NUP205: variants seen among roughly 807,000 people sequenced by gnomAD.
NUP205 encodes nuclear pore complex protein Nup205.
NUP205 carries 76 observed loss-of-function variants against 253.8 expected under a neutral mutation model. The ratio of observed to expected loss-of-function variants is 0.30; its 90% CI spans 0.25 to 0.36. The LOEUF (loss-of-function observed/expected upper bound fraction) is 0.36, where lower values mean the gene tolerates loss of function less well. NUP205 is among the 10% of genes least tolerant of loss of function. The pLI, the probability that NUP205 is intolerant of heterozygous loss-of-function variation, is 1.00. For synonymous variants in NUP205, 832 were observed against 850.1 expected, an observed-to-expected ratio of 0.98 and a Z score of 0.37; for missense variants, 2,162 against 2,425.5, an observed-to-expected ratio of 0.89 and a Z score of 2.28.
At chr7:135,616,812 C>A in intron 25 of NUP205, 86 bp downstream of exon 25, 1 of 783,596 alleles carries the variant, frequency 1.3e-6, no homozygotes, top group Non-Finnish European at 1.9e-6. Flanking sequence ...ATGCCTGTGC[C>A]TCCAAACTCT....
chr7:135,600,226 T>G (rs1563122836), intron 15 of NUP205, among the ~76,000 whole-genome samples: 1 of 152,232 alleles, frequency 6.6e-6, no homozygotes, highest in Non-Finnish European at 1.5e-5. Context: ...ATAAGTATTT[T>G]TCTTTACTGG....
chr7:135,582,078 G>T (rs893453702), intron 7 of NUP205, among the ~76,000 whole-genome samples: 5 of 152,122 alleles, frequency 3.3e-5, no homozygotes, highest in Non-Finnish European at 5.9e-5. Context: ...TTGATGTCAG[G>T]AGTTCAAGAC....
intron 38 of NUP205, among the ~76,000 whole-genome samples, chr7:135,641,670 G>C (rs1794917119): frequency 6.6e-6 from 1 of 152,008 alleles, no homozygotes; most frequent in Non-Finnish European, 1.5e-5. Flanking sequence ...TACTTGGGAG[G>C]CTGAGGTGGG....
Position 135,626,346 on chromosome 7 carries a change from A to C in NUP205, c.4778A>C (p.Glu1593Ala), listed in dbSNP as rs1291245997. The C allele has an allele frequency of 1.2e-6, 2 of 1,614,154 alleles. No individual in the cohort carries two copies. The highest frequency in any genetic ancestry group is 1.7e-6 in the Non-Finnish European group (2 of 1,179,998). ...AQCQVYDMRP[E>A]TDPQSMFGMR... The stretch of plus-strand genomic sequence containing the variant: ...TGCCAAGTCTATGACATGCGCCCAG[A>C]AACGGACCCGCAGAGGTAAGTGTCT... The change falls in exon 33 of 43, where the codon GAA becomes GCA. Residue 1593 changes from glutamate (E) to alanine (A), a missense_variant. Physicochemically the swap from Glu to Ala is moderately radical, Grantham distance 107. Around this residue, in one of 5 missense-constraint regions of NUP205, gnomAD observed 1,144 missense variants for 1,280.9 expected, o/e 0.89. Transcript: ENST00000285968.
At position 135,630,786 on chromosome 7, in the gene NUP205, T is replaced by G. The variant is rs188212154; in HGVS notation, c.5059+316T>G. Among the ~76,000 whole-genome samples the G allele has an allele frequency of 8.6e-5, 13 of 151,964 alleles. No homozygotes were observed. In the East Asian group the frequency reaches 2.5e-3, roughly 29 times the overall value. On this transcript the variant is annotated intron_variant, in intron 35 of 42. Transcript: ENST00000285968. ...CAAAAAATTTTAAAAATTAGCTGGGTGTTGGGGCATTCACCTGTGGTCCTG... is the reference window on the plus strand; with the variant it reads ...CAAAAAATTTTAAAAATTAGCTGGGGGTTGGGGCATTCACCTGTGGTCCTG...
chr7:135,632,822 A>C (rs1794739738), intron 35 of NUP205, among the ~76,000 whole-genome samples: 1 of 151,990 alleles, frequency 6.6e-6, no homozygotes, highest in African/African-American at 2.4e-5. Flanking sequence ...AATTACTCTC[A>C]ATGTACTTCT....
Position 135,591,484 on chromosome 7 carries a change from A to C in NUP205, c.1508A>C (p.Asp503Ala). The C allele has an allele frequency of 6.2e-7, 1 of 1,613,820 alleles. No individual in the cohort carries two copies. Among genetic ancestry groups the C allele is most frequent in the Non-Finnish European group, 8.5e-7 (1 of 1,179,758 alleles). Reference sequence around the variant, plus strand: ...TCAAAGTTTGTTAGGCAAATGGGTGACCTGTTGCCTCCAACTATTTATATT... The same window carrying C: ...TCAAAGTTTGTTAGGCAAATGGGTGCCCTGTTGCCTCCAACTATTTATATT... ...VLSKFVRQMG[D>A]LLPPTIYIPY... The change falls in exon 11 of 43, where the codon GAC (aspartate) becomes GCC (alanine). Residue 503 changes from aspartate to alanine, a missense_variant. Around this residue, in one of 5 missense-constraint regions of NUP205, gnomAD observed 892 missense variants for 957.1 expected, o/e 0.93. Coordinates refer to ENST00000285968, the MANE Select transcript of NUP205 (RefSeq NM_015135.3).
intron 8 of NUP205, among the ~76,000 whole-genome samples, chr7:135,587,326 A>G (rs1406151278): frequency 6.6e-6 from 1 of 152,196 alleles, no homozygotes; most frequent in East Asian, 1.9e-4. Flanking sequence ...GTCCCCACTG[A>G]GAAATACTAC....
Position 135,602,943 on chromosome 7 carries a change from A to T in NUP205, c.2651A>T (p.Gln884Leu). ...GTCTGTCCTTTAGAACAGCTTTTGC[A>T]GGGAATTAATCCCAGAACTAAGAAG... ...LIVCPLEQLL[Q>L]GINPRTKKAD... The change falls in exon 18 of 43, where the codon CAG (glutamine) becomes CTG (leucine). Residue 884 changes from glutamine (Q) to leucine (L), a missense_variant. Physicochemically the swap from Gln to Leu is moderately radical, Grantham distance 113. Around this residue, in one of 5 missense-constraint regions of NUP205, gnomAD observed 892 missense variants for 957.1 expected, o/e 0.93. Coordinates refer to ENST00000285968, the MANE Select transcript of NUP205 (RefSeq NM_015135.3). 1 of 1,613,944 alleles carries T rather than the reference A, an allele frequency of 6.2e-7. No individual in the cohort carries two copies. The highest frequency in any genetic ancestry group is 8.5e-7 in the Non-Finnish European group (1 of 1,179,906).
At chr7:135,586,255 T>C (rs968447341) in intron 8 of NUP205, among the ~76,000 whole-genome samples, 13 of 152,158 alleles carry the variant, frequency 8.5e-5, no homozygotes, top group Admixed American at 7.9e-4. Flanking sequence ...ATTATTTTTA[T>C]TTTTATAGGA....
At chr7:135,558,472 C>CG (rs1391026792) in intron 1 of NUP205, among the ~76,000 whole-genome samples, 1 of 152,122 alleles carries the variant, frequency 6.6e-6, no homozygotes, top group African/African-American at 2.4e-5. Flanking sequence ...AAGAGGGTGG[C>CG]GGGGCTTCAG....
chr7:135,570,768 TTAA>T (rs1480184578), intron 1 of NUP205, among the ~76,000 whole-genome samples: 2 of 87,382 alleles, frequency 2.3e-5, no homozygotes, highest in Non-Finnish European at 4.3e-5. Flanking sequence ...ATATATTATA[TTAA>T]TATATATTAA....
intron 7 of NUP205, among the ~76,000 whole-genome samples, chr7:135,584,610 T>C (rs944155038): frequency 1.3e-5 from 2 of 152,256 alleles, no homozygotes; most frequent in African/African-American, 4.8e-5. Flanking sequence ...TCAAAGAGTA[T>C]GTATTTTTCT....
At chr7:135,584,573 A>C (rs1167821527) in intron 7 of NUP205, among the ~76,000 whole-genome samples, 1 of 152,236 alleles carries the variant, frequency 6.6e-6, no homozygotes, top group East Asian at 1.9e-4. Flanking sequence ...CATCTCTAAA[A>C]TAATTTTCAT....
At chr7:135,565,768 A>G (rs1805740073) in intron 1 of NUP205, among the ~76,000 whole-genome samples, 1 of 152,160 alleles carries the variant, frequency 6.6e-6, no homozygotes, top group Non-Finnish European at 1.5e-5. Flanking sequence ...TCCATCAACC[A>G]CACTAGAACA....
intron 18 of NUP205, 99 bp downstream of exon 18, chr7:135,603,093 T>C: frequency 2.4e-6 from 2 of 841,582 alleles, no homozygotes. Context: ...ACCTTTTTTT[T>C]TATTTTTGCC....
Position 135,648,602 on chromosome 7 carries a change from A to G in NUP205, c.*46A>G, listed in dbSNP as rs1795061112. On this transcript the variant is annotated 3_prime_UTR_variant, in exon 43 of 43. Coordinates refer to ENST00000285968, the MANE Select transcript of NUP205 (RefSeq NM_015135.3). ...CTATGAGAGAGATGAATTGGGGAGAATTGTCTCCATTTTATAGATTAGTTT... is the reference window on the plus strand; with the variant it reads ...CTATGAGAGAGATGAATTGGGGAGAGTTGTCTCCATTTTATAGATTAGTTT... The G allele has an allele frequency of 7.3e-7, 1 of 1,365,130 alleles. No individual in the cohort carries two copies. The highest frequency in any genetic ancestry group is 2.9e-5 in the Admixed American group (1 of 34,972). 84.6% of individuals were successfully genotyped at this position (1,365,130 alleles called of 1,614,324 possible). A position where few individuals can be genotyped will look rare whatever the true frequency, so the allele number is the denominator to read the frequency against.
rs546342947 is a variant in NUP205 at position 135,608,065 on chromosome 7, T to G, written c.3195+694T>G. ...TTTTTAATATGGAGTCTCGCTCTGT[T>G]GCCCAGGCTGGAGTGCAGTGGCGTG... On this transcript the variant is annotated intron_variant, in intron 22 of 42. Coordinates refer to ENST00000285968, the MANE Select transcript of NUP205 (RefSeq NM_015135.3). Among the ~76,000 whole-genome samples, 7 of 142,650 alleles carry G rather than the reference T, an allele frequency of 4.9e-5. No homozygotes were observed. In the East Asian group the frequency reaches 1.5e-3, roughly 30 times the overall value. 93.6% of individuals were successfully genotyped at this position (142,650 alleles called of 152,430 possible).
In NUP205 at chr7:135,646,216, A is replaced by G. The variant is rs1425822780; in HGVS notation, c.5871A>G (p.Gln1957=). 3 of 1,612,008 alleles carry G rather than the reference A, an allele frequency of 1.9e-6. No homozygotes were observed. Among genetic ancestry groups the G allele is most frequent in the Non-Finnish European group, 2.5e-6 (3 of 1,178,178 alleles). Residue 1957 remains glutamine, a synonymous_variant, in exon 42 of 43, where the codon CAA becomes CAG. Transcript: ENST00000285968. ...DFRSGLAIVS[Q]HDLDQLQADA... ...GAAGTGGGCTGGCTATAGTGAGCCA[A>G]CATGATTTAGACCAGGTAAGGTTCT... is the stretch of plus-strand genomic sequence containing the variant.
Sources: gnomAD v4.1 joint callset for allele counts (sites outside exome capture counted in the v4.1 genomes callset) on GRCh38, gnomAD v4.1.1 for gene constraint, gnomAD v4.1.1 regional missense constraint, MANE v1.5 for transcripts, NCBI Gene and HGNC (gene_info 2026-07-23, HGNC 2026-07-21) for gene names.